NDUFAF5: variants seen among roughly 807,000 people sequenced by gnomAD.
NDUFAF5 encodes arginine-hydroxylase NDUFAF5, mitochondrial.
Under a neutral mutation model 48.9 loss-of-function variants are expected in NDUFAF5, and 34 were observed. That is an observed-to-expected ratio of 0.70 (90% CI 0.53 to 0.93). NDUFAF5 has a LOEUF of 0.93. Among genes scored for constraint, NDUFAF5 ranks in the 40% least tolerant of loss-of-function variants. NDUFAF5 has a pLI of 0.00. For missense variants in NDUFAF5, 428 were observed against 427.5 expected, an observed-to-expected ratio of 1.00 and a Z score of -0.01; for synonymous variants, 153 against 150.6, an observed-to-expected ratio of 1.02 and a Z score of -0.12.
At chr20:13,794,454 A>T (rs1232713340) in intron 4 of NDUFAF5, among the ~76,000 whole-genome samples, 1 of 151,924 alleles carries the variant, frequency 6.6e-6, no homozygotes, top group Non-Finnish European at 1.5e-5. Flanking sequence ...TAATTTTTGT[A>T]TTTTTAGTAG....
intron 6 of NDUFAF5, among the ~76,000 whole-genome samples, chr20:13,799,709 A>AAAAAAG (rs373697723): frequency 6.7e-6 from 1 of 148,514 alleles, no homozygotes; most frequent in Non-Finnish European, 1.5e-5. Context: ...AAAAAAAAAA[A>AAAAAAG]AAAGAAAGAA....
At chr20:13,802,530 TGTG>T (rs1312810730) in intron 7 of NDUFAF5, among the ~76,000 whole-genome samples, 2 of 151,644 alleles carry the variant, frequency 1.3e-5, no homozygotes, top group African/African-American at 4.8e-5. Context: ...ATCAGCGAAT[TGTG>T]GTGATGCATG....
Position 13,793,057 on chromosome 20 carries a change from TA to T in NDUFAF5, c.328-122del, listed in dbSNP as rs1196023650. 6.9e-6 allele frequency: 7 copies of T among 1,010,932 alleles called. No homozygotes were observed. In the African/African-American group the frequency reaches 9.5e-5, roughly 14 times the overall value. 62.6% of individuals were successfully genotyped at this position (1,010,932 alleles called of 1,614,324 possible). On this transcript the variant is annotated intron_variant, in intron 3 of 10. Transcript: ENST00000378106. ...AAGTATTTGTGTACCATACTGGTTT[TA>T]TGCAGAAATATACCTTTACAAAGCT... is the stretch of plus-strand genomic sequence containing the variant.
intron 3 of NDUFAF5, among the ~76,000 whole-genome samples, chr20:13,791,467 G>A (rs1486646173): frequency 6.6e-6 from 1 of 152,180 alleles, no homozygotes; most frequent in Non-Finnish European, 1.5e-5. Context: ...AATTGAAGCC[G>A]TAGAAATAGG....
At position 13,819,407 on chromosome 20, in the gene NDUFAF5, T is replaced by A. The variant is rs1413512335; in HGVS notation, c.*2197T>A. The A allele has an allele frequency of 6.6e-6, 1 of 152,264 alleles. No homozygotes were observed. The highest frequency in any genetic ancestry group is 2.4e-5 in the African/African-American group (1 of 41,472). 9.4% of individuals were successfully genotyped at this position (152,264 alleles called of 1,614,324 possible). On this transcript the variant is annotated 3_prime_UTR_variant, in exon 11 of 11. Transcript: ENST00000378106. ...TTTTTTGAGACGGAGTCTCGCTCTG[T>A]CTCCAGGCTGGAGTACAGTGGCGCA...
intron 8 of NDUFAF5, among the ~76,000 whole-genome samples, chr20:13,812,321 T>C (rs1158561949): frequency 1.3e-5 from 2 of 152,146 alleles, no homozygotes; most frequent in African/African-American, 4.8e-5. Flanking sequence ...ATGGCCAAGA[T>C]AACAGAGGAT....
At chr20:13,797,753 T>A (rs1400076931) in intron 5 of NDUFAF5, among the ~76,000 whole-genome samples, 2 of 152,290 alleles carry the variant, frequency 1.3e-5, no homozygotes, top group African/African-American at 4.8e-5. Context: ...TAATCACTTA[T>A]CAGTATAGCT....
At chr20:13,802,671 CA>C (rs11472201) in intron 7 of NDUFAF5, among the ~76,000 whole-genome samples, 2,854 of 102,814 alleles carry the variant, frequency 0.028, 83 homozygotes, top group African/African-American at 0.099. Flanking sequence ...ATTCCCGTCT[CA>C]AAAAAAAAAA....
chr20:13,793,091 A>G, intron 3 of NDUFAF5, 89 bp from the exon 4 acceptor site: 1 of 1,421,184 alleles, frequency 7.0e-7, no homozygotes, highest in Non-Finnish European at 9.9e-7. Context: ...GCTGAAAATT[A>G]AAATGTAATT....
chr20:13,801,434 CATTT>C (rs929480009), intron 6 of NDUFAF5, 48 bp from the exon 7 acceptor site: 11 of 1,190,414 alleles, frequency 9.2e-6, no homozygotes, highest in African/African-American at 1.5e-5. Flanking sequence ...TATTTTTTAA[CATTT>C]ATATATATAA....
At chr20:13,787,456 T>C (rs1464607621) in intron 2 of NDUFAF5, 104 bp downstream of exon 2, 8 of 1,060,376 alleles carry the variant, frequency 7.5e-6, no homozygotes, top group Non-Finnish European at 1.2e-5. Context: ...CCTGGAAGAA[T>C]TTACTCAGAC....
chr20:13,804,067 T>C (rs1032271315), intron 7 of NDUFAF5, among the ~76,000 whole-genome samples: 9 of 152,214 alleles, frequency 5.9e-5, no homozygotes, highest in Non-Finnish European at 8.8e-5. Context: ...ATTACAGGCA[T>C]GAGCCGCTGC....
intron 5 of NDUFAF5, among the ~76,000 whole-genome samples, chr20:13,797,805 TGGG>T (rs1983479936): frequency 6.6e-6 from 1 of 152,158 alleles, no homozygotes; most frequent in Admixed American, 6.6e-5. Flanking sequence ...ATATTGATAA[TGGG>T]GGAGGCTGTG....
At chr20:13,798,976 A>G (rs769044921) in intron 6 of NDUFAF5, among the ~76,000 whole-genome samples, 1 of 152,224 alleles carries the variant, frequency 6.6e-6, no homozygotes, top group Non-Finnish European at 1.5e-5. Flanking sequence ...CTGTGGCTTG[A>G]CATGGCCTAG....
rs941258467 is a variant in NDUFAF5 at position 13,819,863 on chromosome 20, A to G, written c.*2653A>G. 1.2e-4 allele frequency: 18 copies of G among 152,232 alleles called. No homozygotes were observed. Among genetic ancestry groups the G allele is most frequent in the African/African-American group, 3.4e-4 (14 of 41,458 alleles). The allele number at this position is 152,232 out of a possible 1,614,324, so 9.4% of individuals were successfully genotyped here. ...TGAGTCATTTCTTCTCTGTTTAGCT[A>G]TAAGATTAGAATTCATACTGAAAGA... On this transcript the variant is annotated 3_prime_UTR_variant, in exon 11 of 11. Coordinates refer to ENST00000378106, the MANE Select transcript of NDUFAF5 (RefSeq NM_024120.5).
intron 3 of NDUFAF5, among the ~76,000 whole-genome samples, chr20:13,789,445 G>A (rs895459963): frequency 1.9e-4 from 29 of 151,176 alleles, no homozygotes; most frequent in Middle Eastern, 7.1e-3. Context: ...GATGACAGGC[G>A]TGAGCTACTG....
chr20:13,797,516 G>A (rs543988833), intron 5 of NDUFAF5, among the ~76,000 whole-genome samples: 2 of 152,308 alleles, frequency 1.3e-5, no homozygotes, highest in South Asian at 4.1e-4. Context: ...AATTCCAACT[G>A]TGACAATCTG....
At position 13,801,666 on chromosome 20, in the gene NDUFAF5, T is replaced by G; in HGVS notation, c.700T>G (p.Phe234Val). ...DLGHLLGRAG[F>V]NTLTVDTDEI... ...GGGACATCTGCTTGGGAGAGCTGGC[T>G]TTAATACTCTGACTGTGGTAACTAT... The change falls in exon 7 of 11, where the codon TTT becomes GTT. Residue 234 changes from phenylalanine to valine, a missense_variant. Phe to Val is a conservative substitution (Grantham distance 50). Transcript: ENST00000378106. 1 of 1,613,926 alleles carries G rather than the reference T, an allele frequency of 6.2e-7. No homozygotes were observed. Among genetic ancestry groups the G allele is most frequent in the East Asian group, 2.2e-5 (1 of 44,866 alleles).
At chr20:13,787,695 G>A (rs1205059008) in intron 2 of NDUFAF5, among the ~76,000 whole-genome samples, 1 of 152,126 alleles carries the variant, frequency 6.6e-6, no homozygotes, top group Non-Finnish European at 1.5e-5. Flanking sequence ...GTACCTAACT[G>A]TGCCATATTG....
Sources: allele counts gnomAD v4.1 joint callset (sites outside exome capture counted in the v4.1 genomes callset), GRCh38; gene constraint gnomAD v4.1.1; transcripts MANE v1.5; gene names NCBI Gene and HGNC (gene_info 2026-07-23, HGNC 2026-07-21).